KSR1: variants seen among roughly 807,000 people sequenced by gnomAD.
The protein encoded by KSR1 is kinase suppressor of ras 1, also known as kinase suppressor of ras.
In KSR1, 35 loss-of-function variants were observed where a neutral mutation model predicts 92.9. The observed-to-expected ratio is 0.38, with a 90% CI of 0.29 to 0.50. KSR1 has a LOEUF of 0.50. Ranked by LOEUF, KSR1 falls within the 20% of genes least tolerant of loss-of-function variation. KSR1 has a pLI of 0.94. For missense variants in KSR1, 972 were observed against 1,158.5 expected (o/e 0.84, Z 2.34); for synonymous variants, 467 against 472.6 (o/e 0.99, Z 0.15).
intron 1 of KSR1, among the ~76,000 whole-genome samples, chr17:27,504,150 G>A (rs970695395): frequency 5.9e-5 from 9 of 152,182 alleles, no homozygotes; most frequent in Admixed American, 2.0e-4. Flanking sequence ...AGAAATGGAA[G>A]GGAGTTTAAA....
At chr17:27,507,351 T>G (rs2069422916) in intron 1 of KSR1, among the ~76,000 whole-genome samples, 1 of 151,954 alleles carries the variant, frequency 6.6e-6, no homozygotes, top group Non-Finnish European at 1.5e-5. Context: ...AAGAATTGCT[T>G]GAACCCGGGA....
chr17:27,501,751 G>A (rs1305807045), intron 1 of KSR1, among the ~76,000 whole-genome samples: 2 of 152,178 alleles, frequency 1.3e-5, no homozygotes, highest in Non-Finnish European at 1.5e-5. Context: ...CGCCTGCCTC[G>A]GCCTCCCAAA....
At chr17:27,521,302 C>A (rs1411915939) in intron 1 of KSR1, among the ~76,000 whole-genome samples, 1 of 151,726 alleles carries the variant, frequency 6.6e-6, no homozygotes, top group East Asian at 1.9e-4. Flanking sequence ...TTCAGTTTAC[C>A]CATGAGGACA....
chr17:27,571,715 A>T (rs1233321014), intron 2 of KSR1, among the ~76,000 whole-genome samples: 1 of 152,234 alleles, frequency 6.6e-6, no homozygotes, highest in Non-Finnish European at 1.5e-5. Context: ...CTGAACAGAA[A>T]CACAGAGCCT....
At chr17:27,476,761 G>C (rs1193251123) in intron 1 of KSR1, among the ~76,000 whole-genome samples, 2 of 151,706 alleles carry the variant, frequency 1.3e-5, no homozygotes, top group Non-Finnish European at 2.9e-5. Context: ...AAGGCCTGCT[G>C]TCTATGTTCT....
At chr17:27,580,884 A>T (rs1258436012) in intron 3 of KSR1, among the ~76,000 whole-genome samples, 1 of 152,188 alleles carries the variant, frequency 6.6e-6, no homozygotes, top group Non-Finnish European at 1.5e-5. Flanking sequence ...CTTGTGCCTC[A>T]GCCTCCCAAG....
chr17:27,608,420 G>A (rs2073823391), intron 15 of KSR1, among the ~76,000 whole-genome samples: 1 of 152,142 alleles, frequency 6.6e-6, no homozygotes, highest in African/African-American at 2.4e-5. Flanking sequence ...CATGCTGTGG[G>A]GTACACAGGA....
intron 2 of KSR1, 72 bp downstream of exon 2, chr17:27,550,780 G>A (rs373144852): frequency 1.8e-5 from 13 of 717,566 alleles, no homozygotes; most frequent in African/African-American, 1.5e-4. Flanking sequence ...CAAACCCGAG[G>A]GCTAGCTTCC....
intron 1 of KSR1, among the ~76,000 whole-genome samples, chr17:27,539,170 A>G (rs7212623): frequency 0.22 from 33,053 of 152,100 alleles, 3,867 homozygotes; most frequent in Non-Finnish European, 0.26. Flanking sequence ...TTCAGTTGGC[A>G]ATGTCAGGAA....
intron 1 of KSR1, among the ~76,000 whole-genome samples, chr17:27,504,777 T>C (rs1304353732): frequency 6.6e-6 from 1 of 152,192 alleles, no homozygotes; most frequent in African/African-American, 2.4e-5. Flanking sequence ...GGAAGTGCAC[T>C]GAAGGCTCAT....
At chr17:27,506,231 A>G (rs1275322128) in intron 1 of KSR1, among the ~76,000 whole-genome samples, 3 of 152,232 alleles carry the variant, frequency 2.0e-5, no homozygotes, top group Non-Finnish European at 4.4e-5. Context: ...GCTTTGGCTC[A>G]GTGTGGCCTT....
chr17:27,498,577 C>T (rs915742476), intron 1 of KSR1, among the ~76,000 whole-genome samples: 2 of 152,272 alleles, frequency 1.3e-5, no homozygotes, highest in East Asian at 1.9e-4. Context: ...GGAGGACCCA[C>T]CCTGCTGCAC....
At chr17:27,560,168 G>A (rs537573330) in intron 2 of KSR1, 209 of 313,578 alleles carry the variant, frequency 6.7e-4, no homozygotes, top group African/African-American at 4.2e-3. Context: ...CACTATGGCT[G>A]TTTCAAGCGG....
At chr17:27,575,707 G>A (rs1394674522) in intron 2 of KSR1, among the ~76,000 whole-genome samples, 2 of 152,212 alleles carry the variant, frequency 1.3e-5, no homozygotes, top group Admixed American at 6.5e-5. Flanking sequence ...AGTAGTCAGA[G>A]CTGGAGAGGT....
chr17:27,586,261 A>G (rs996188672), intron 5 of KSR1, among the ~76,000 whole-genome samples: 1 of 152,184 alleles, frequency 6.6e-6, no homozygotes, highest in Non-Finnish European at 1.5e-5. Flanking sequence ...GCACGTGGCT[A>G]TGCTGTGGGG....
intron 1 of KSR1, 60 bp downstream of exon 1, chr17:27,456,934 C>G (rs1022962453): frequency 2.7e-6 from 2 of 741,860 alleles, no homozygotes; most frequent in African/African-American, 3.4e-5. Flanking sequence ...TCCCTCCGGG[C>G]CCCAGTACTC....
At chr17:27,607,710 C>T (rs1358605245) in intron 14 of KSR1, among the ~76,000 whole-genome samples, 1 of 152,048 alleles carries the variant, frequency 6.6e-6, no homozygotes, top group East Asian at 1.9e-4. Flanking sequence ...TGTGCGTGTA[C>T]GTGTGTGGTG....
At chr17:27,620,300 A>G (rs1375268402) in intron 19 of KSR1, among the ~76,000 whole-genome samples, 1 of 152,118 alleles carries the variant, frequency 6.6e-6, no homozygotes, top group African/African-American at 2.4e-5. Flanking sequence ...CACCTGCCGC[A>G]TGCCTGCACA....
chr17:27,543,745 C>T (rs981580147), intron 1 of KSR1, among the ~76,000 whole-genome samples: 8 of 152,154 alleles, frequency 5.3e-5, no homozygotes, highest in Non-Finnish European at 8.8e-5. Context: ...ATTTCATTCC[C>T]GTCACATCCT....
Sources: gnomAD v4.1 joint callset for allele counts (sites outside exome capture counted in the v4.1 genomes callset) on GRCh38, gnomAD v4.1.1 for gene constraint, MANE v1.5 for transcripts, NCBI Gene and HGNC (gene_info 2026-07-23, HGNC 2026-07-21) for gene names.